The following XPO4 variants were observed in gnomAD, a reference collection of about 807,000 sequenced individuals.
XPO4 encodes the protein exportin-4.
XPO4 carries 39 observed loss-of-function variants against 143.0 expected under a neutral mutation model. The observed-to-expected ratio is 0.27, with a 90% confidence interval of 0.21 to 0.36. XPO4 has a LOEUF of 0.36. XPO4 is among the 10% of genes least tolerant of loss of function. The pLI, the probability that XPO4 is intolerant of heterozygous loss-of-function variation, is 1.00. For missense variants in XPO4, 907 were observed against 1,348.0 expected (o/e 0.67, Z 5.12); for synonymous variants, 439 against 474.0 (o/e 0.93, Z 0.96).
chr13:20,802,902 A>C (rs1187794345), intron 13 of XPO4, among the ~76,000 whole-genome samples: 2 of 152,316 alleles, frequency 1.3e-5, no homozygotes, highest in East Asian at 1.9e-4. Context: ...AATTTGAATA[A>C]ATTATTAAAC....
chr13:20,811,253 C>T (rs1049955401), intron 9 of XPO4, among the ~76,000 whole-genome samples: 2 of 151,694 alleles, frequency 1.3e-5, no homozygotes, highest in Admixed American at 6.6e-5. Context: ...AGCAAGAAGC[C>T]ACTGCAATGC....
chr13:20,787,764 T>G (rs1412351017), intron 20 of XPO4, among the ~76,000 whole-genome samples, 166 bp from the exon 21 acceptor site: 1 of 152,218 alleles, frequency 6.6e-6, no homozygotes, highest in Non-Finnish European at 1.5e-5. Flanking sequence ...GAAAGAAGAT[T>G]TCCAGTGTTT....
Position 20,807,478 on chromosome 13 carries a change from T to C in XPO4, c.1796A>G (p.Asn599Ser). 5 of 1,613,420 alleles carry C rather than the reference T, an allele frequency of 3.1e-6. No individual in the cohort carries two copies. Among genetic ancestry groups the C allele is most frequent in the Non-Finnish European group, 4.2e-6 (5 of 1,179,776 alleles). Reference sequence around the variant, plus strand: ...TTACCTAATCACAGAATCTGTTCTGTTGTACCCTGGGATGGAAGAAGCCTT... The same window carrying C: ...TTACCTAATCACAGAATCTGTTCTGCTGTACCCTGGGATGGAAGAAGCCTT... ...GEKASSIPGYNRTDSVIRLLS... is the reference protein window; with the variant it reads ...GEKASSIPGYSRTDSVIRLLS... The change falls in exon 13 of 23, where the codon AAC (asparagine) becomes AGC (serine). Residue 599 changes from asparagine to serine, a missense_variant. Coordinates refer to ENST00000255305, the MANE Select transcript of XPO4 (RefSeq NM_022459.5).
chr13:20,823,921 G>C (rs573586322), intron 7 of XPO4, among the ~76,000 whole-genome samples: 1 of 152,268 alleles, frequency 6.6e-6, no homozygotes, highest in East Asian at 1.9e-4. Flanking sequence ...CAAAGTGCTG[G>C]GATTACAGGC....
At chr13:20,865,636 G>C in intron 2 of XPO4, 1 of 950,734 alleles carries the variant, frequency 1.1e-6, no homozygotes, top group Non-Finnish European at 1.3e-6. Flanking sequence ...GAAGACAAAA[G>C]TTAAAGTTAA....
intron 18 of XPO4, among the ~76,000 whole-genome samples, chr13:20,792,361 G>A (rs1263338163): frequency 1.3e-5 from 2 of 152,018 alleles, no homozygotes; most frequent in Non-Finnish European, 2.9e-5. Flanking sequence ...GGGAGGGTGA[G>A]ACAGGCGGAT....
At chr13:20,859,905 TC>T in intron 3 of XPO4, 1 of 968,130 alleles carries the variant, frequency 1.0e-6, no homozygotes, top group Non-Finnish European at 1.2e-6. Context: ...TACCAAGGTC[TC>T]CAGAGTTCAG....
intron 3 of XPO4, among the ~76,000 whole-genome samples, chr13:20,859,144 C>A (rs992614833): frequency 6.6e-6 from 1 of 151,586 alleles, no homozygotes; most frequent in African/African-American, 2.4e-5. Context: ...CCAGCCTGGG[C>A]AACACAGCAA....
At chr13:20,800,123 A>G in intron 15 of XPO4, 33 bp downstream of exon 15, 2 of 1,612,636 alleles carry the variant, frequency 1.2e-6, no homozygotes, top group Non-Finnish European at 1.7e-6. Context: ...CCACACACAT[A>G]CACACACAGT....
At chr13:20,874,722 G>T (rs867557705) in intron 1 of XPO4, among the ~76,000 whole-genome samples, 1 of 152,148 alleles carries the variant, frequency 6.6e-6, no homozygotes, top group Non-Finnish European at 1.5e-5. Context: ...GGCTGGGTGC[G>T]GTGGCTCACG....
chr13:20,829,982 G>A (rs546609893), intron 6 of XPO4, among the ~76,000 whole-genome samples: 1 of 152,048 alleles, frequency 6.6e-6, no homozygotes, highest in South Asian at 2.1e-4. Context: ...TTACATTAAG[G>A]GAAAATGGAT....
intron 4 of XPO4, chr13:20,850,640 C>T (rs190003027): frequency 5.9e-4 from 178 of 299,660 alleles, no homozygotes; most frequent in African/African-American, 3.8e-3. Flanking sequence ...TGGCACGTAC[C>T]AACAGTCCCA....
chr13:20,902,542 T>G (rs879195191), intron 1 of XPO4, 128 bp downstream of exon 1: 2 of 1,320,022 alleles, frequency 1.5e-6, no homozygotes, highest in Non-Finnish European at 9.7e-7. Flanking sequence ...CACCGCCACC[T>G]CCTCCTCCAC....
At chr13:20,819,291 T>C (rs1462287461) in intron 9 of XPO4, among the ~76,000 whole-genome samples, 1 of 152,182 alleles carries the variant, frequency 6.6e-6, no homozygotes, top group Non-Finnish European at 1.5e-5. Context: ...CCCTCAAAAG[T>C]TCATCATCTT....
chr13:20,902,183 CT>C, intron 1 of XPO4: 2 of 985,364 alleles, frequency 2.0e-6, no homozygotes, highest in Non-Finnish European at 2.4e-6. Context: ...CCAGAGGTGG[CT>C]GCATGTCAGG....
intron 9 of XPO4, among the ~76,000 whole-genome samples, chr13:20,812,979 GAA>G (rs1261896286): frequency 1.3e-5 from 2 of 152,176 alleles, no homozygotes; most frequent in Non-Finnish European, 2.9e-5. Context: ...AATTTATGAA[GAA>G]AAGAGGTTTA....
intron 18 of XPO4, 137 bp from the exon 19 acceptor site, chr13:20,790,717 G>A (rs974012125): frequency 9.6e-5 from 65 of 679,040 alleles, no homozygotes; most frequent in Admixed American, 4.1e-4. Context: ...ATCTGACCTC[G>A]TCCTGCCTGG....
At chr13:20,882,403 A>C (rs953512966) in intron 1 of XPO4, among the ~76,000 whole-genome samples, 10 of 152,118 alleles carry the variant, frequency 6.6e-5, no homozygotes, top group African/African-American at 1.9e-4. Flanking sequence ...GGCAAGAAAG[A>C]AAGCAAGTGG....
Position 20,780,272 on chromosome 13 carries a change from G to A in XPO4, c.*3450C>T, listed in dbSNP as rs2059127165. 1.3e-5 allele frequency: 2 copies of A among 152,130 alleles called. No individual in the cohort carries two copies. The highest frequency in any genetic ancestry group is 2.9e-5 in the Non-Finnish European group (2 of 68,020). The allele number at this position is 152,130 out of a possible 1,614,324, so 9.4% of individuals were successfully genotyped here. A position where few individuals can be genotyped will look rare whatever the true frequency, so the allele number is the denominator to read the frequency against. ...GACAACCACCTCTAACAACAGAGGTGGCAAACAGATAAAAATTGTTTAACA... is the reference window on the plus strand; with the variant it reads ...GACAACCACCTCTAACAACAGAGGTAGCAAACAGATAAAAATTGTTTAACA... On this transcript the variant is annotated 3_prime_UTR_variant, in exon 23 of 23. Transcript: ENST00000255305.
Sources: allele counts gnomAD v4.1 joint callset (sites outside exome capture counted in the v4.1 genomes callset), GRCh38; gene constraint gnomAD v4.1.1; transcripts MANE v1.5; gene names NCBI Gene and HGNC (gene_info 2026-07-23, HGNC 2026-07-21).